Variants in TLK1 observed in about 807,000 individuals in gnomAD.
TLK1 encodes tousled like kinase 1.
In TLK1, 24 loss-of-function variants were observed where a neutral mutation model predicts 105.3. That is an observed-to-expected ratio of 0.23 (90% CI 0.17 to 0.32). The LOEUF (loss-of-function observed/expected upper bound fraction) is 0.32. Among genes scored for constraint, TLK1 ranks in the 10% least tolerant of loss-of-function variants. The pLI, the probability that TLK1 is intolerant of heterozygous loss-of-function variation, is 1.00. For missense variants in TLK1, 558 were observed against 910.5 expected, an observed-to-expected ratio of 0.61 and a Z score of 4.98; for synonymous variants, 321 against 310.4, an observed-to-expected ratio of 1.03 and a Z score of -0.36.
At chr2:171,110,869 T>C (rs952761445) in intron 2 of TLK1, among the ~76,000 whole-genome samples, 11 of 152,202 alleles carry the variant, frequency 7.2e-5, no homozygotes, top group African/African-American at 2.7e-4. Flanking sequence ...AACTGATAAT[T>C]ATACCTTAAT....
intron 18 of TLK1, among the ~76,000 whole-genome samples, chr2:171,001,698 C>T (rs1684383172): frequency 1.3e-5 from 2 of 152,150 alleles, no homozygotes; most frequent in Non-Finnish European, 2.9e-5. Flanking sequence ...TTTTATTTTC[C>T]AGAAGAGGGC....
At chr2:171,152,487 CTA>C (rs1348666175) in intron 1 of TLK1, among the ~76,000 whole-genome samples, 1 of 152,084 alleles carries the variant, frequency 6.6e-6, no homozygotes, top group Non-Finnish European at 1.5e-5. Flanking sequence ...ATTAGGTTTG[CTA>C]TATAATACAT....
At chr2:171,181,845 C>T (rs967307069) in intron 1 of TLK1, among the ~76,000 whole-genome samples, 3 of 150,794 alleles carry the variant, frequency 2.0e-5, no homozygotes, top group African/African-American at 7.3e-5. Context: ...ATTCAAACTA[C>T]GGCAGTCCTT....
intron 3 of TLK1, among the ~76,000 whole-genome samples, chr2:171,072,093 CTA>C (rs1055111729): frequency 6.6e-6 from 1 of 152,070 alleles, no homozygotes; most frequent in African/African-American, 2.4e-5. Flanking sequence ...TTTTGTGGTT[CTA>C]TACAAATTTT....
At chr2:171,119,475 T>A (rs1018793047) in intron 1 of TLK1, among the ~76,000 whole-genome samples, 1 of 152,240 alleles carries the variant, frequency 6.6e-6, no homozygotes, top group Non-Finnish European at 1.5e-5. Context: ...ATATGCCAGG[T>A]CTGCCAAGTC....
chr2:170,993,194 G>C lies in TLK1; in HGVS notation c.*586C>G, dbSNP rs927297138. 12 of 152,552 alleles carry C rather than the reference G, an allele frequency of 7.9e-5. No individual in the cohort carries two copies. The highest frequency in any genetic ancestry group is 3.9e-4 in the Admixed American group (6 of 15,272). 9.4% of individuals were successfully genotyped at this position (152,552 alleles called of 1,614,324 possible). A position where few individuals can be genotyped will look rare whatever the true frequency, so the allele number is the denominator to read the frequency against. On this transcript the variant is annotated 3_prime_UTR_variant, in exon 21 of 21. Transcript: ENST00000431350. Reference sequence around the variant, plus strand: ...TCGAGGTACAACTTGGTAAAAGTCTGAATAGGCAAATGACAAAGCCTAACT... The same window carrying C: ...TCGAGGTACAACTTGGTAAAAGTCTCAATAGGCAAATGACAAAGCCTAACT...
At chr2:171,173,097 C>T (rs548829800) in intron 1 of TLK1, among the ~76,000 whole-genome samples, 1 of 152,216 alleles carries the variant, frequency 6.6e-6, no homozygotes, top group African/African-American at 2.4e-5. Flanking sequence ...TATAGCATAT[C>T]CTGTTAGTAT....
intron 1 of TLK1, among the ~76,000 whole-genome samples, chr2:171,120,737 T>C (rs965555067): frequency 1.2e-4 from 19 of 152,120 alleles, no homozygotes; most frequent in Non-Finnish European, 4.4e-5. Context: ...AGTATAGCGG[T>C]TCCTCAAAAA....
At chr2:170,998,674 A>ACT (rs1684201829) in intron 18 of TLK1, among the ~76,000 whole-genome samples, 1 of 152,182 alleles carries the variant, frequency 6.6e-6, no homozygotes, top group African/African-American at 2.4e-5. Context: ...AGCTCAAGGA[A>ACT]CTCTTATTCA....
intron 2 of TLK1, among the ~76,000 whole-genome samples, chr2:171,102,655 T>C (rs1689740438): frequency 6.6e-6 from 1 of 152,228 alleles, no homozygotes; most frequent in African/African-American, 2.4e-5. Context: ...GTTTGATATA[T>C]AAAAATTTTA....
At chr2:171,220,472 C>T (rs970874986) in intron 1 of TLK1, among the ~76,000 whole-genome samples, 2 of 152,200 alleles carry the variant, frequency 1.3e-5, no homozygotes, top group South Asian at 2.1e-4. Flanking sequence ...GCCTTGCTGC[C>T]TTTGGTAGCT....
At chr2:171,189,884 A>G (rs1233219783) in intron 1 of TLK1, among the ~76,000 whole-genome samples, 3 of 152,156 alleles carry the variant, frequency 2.0e-5, no homozygotes, top group Non-Finnish European at 1.5e-5. Flanking sequence ...GCAGTGAGCC[A>G]AGATCATGCC....
chr2:171,094,132 T>TTATAAGTA (rs1689354456), intron 2 of TLK1, among the ~76,000 whole-genome samples: 1 of 151,952 alleles, frequency 6.6e-6, no homozygotes, highest in Non-Finnish European at 1.5e-5. Flanking sequence ...TTTATAAGTA[T>TTATAAGTA]ATTATTTGAA....
chr2:171,083,322 A>T lies in TLK1; in HGVS notation c.259-470T>A, dbSNP rs76858719. Among the ~76,000 whole-genome samples, 674 of 152,044 alleles carry T rather than the reference A, an allele frequency of 4.4e-3. 9 individuals are homozygous for T. Among genetic ancestry groups the T allele is most frequent in the African/African-American group, 0.014 (597 of 41,508 alleles). On this transcript the variant is annotated intron_variant, in intron 2 of 20. Coordinates refer to ENST00000431350, the MANE Select transcript of TLK1 (RefSeq NM_012290.5). ...AAACTGTCCTGTTTTTCTTTTTTTT[A>T]AAATTTGTTTTAACTCTATCTCTTC...
Position 171,160,244 on chromosome 2 carries a change from G to A in TLK1, c.139+46C>T. On this transcript the variant is annotated intron_variant, in intron 1 of 20. Coordinates refer to ENST00000431350, the MANE Select transcript of TLK1 (RefSeq NM_012290.5). This position sits in a 1 kb window ranked among gnomAD's most constrained non-coding sequence, Gnocchi z 4.4. ...GGGGGGGGGCGCGGGGGTCCGCGGC[G>A]CGGGAGAGGAGGCCCGCGAGCGGGC... is the stretch of plus-strand genomic sequence containing the variant. The A allele has an allele frequency of 5.1e-6, 7 of 1,381,456 alleles. No homozygotes were observed. Among genetic ancestry groups the A allele is most frequent in the Non-Finnish European group, 6.5e-6 (7 of 1,069,392 alleles). The allele number at this position is 1,381,456 out of a possible 1,614,324, so 85.6% of individuals were successfully genotyped here. A position where few individuals can be genotyped will look rare whatever the true frequency, so the allele number is the denominator to read the frequency against.
At chr2:171,032,659 C>T (rs1686100249) in intron 11 of TLK1, among the ~76,000 whole-genome samples, 1 of 152,028 alleles carries the variant, frequency 6.6e-6, no homozygotes, top group African/African-American at 2.4e-5. Flanking sequence ...TATGGTACTG[C>T]CATAAGAATA....
At chr2:171,171,820 A>G (rs1294928388) in intron 1 of TLK1, among the ~76,000 whole-genome samples, 2 of 152,222 alleles carry the variant, frequency 1.3e-5, no homozygotes, top group African/African-American at 4.8e-5. Flanking sequence ...CAACACTGGG[A>G]ACTCCCACAC....
At chr2:171,065,355 T>C (rs1015881822) in intron 3 of TLK1, among the ~76,000 whole-genome samples, 29 of 152,326 alleles carry the variant, frequency 1.9e-4, no homozygotes, top group African/African-American at 5.5e-4. Flanking sequence ...CTATAGTTAA[T>C]AGACACAGAA....
At chr2:171,061,241 C>T in intron 3 of TLK1, 85 bp from the exon 4 acceptor site, 2 of 1,316,238 alleles carry the variant, frequency 1.5e-6, no homozygotes, top group Non-Finnish European at 2.1e-6. Flanking sequence ...TGTTTCGAGA[C>T]CAAAAAAATA....
Sources: gnomAD v4.1 joint callset for allele counts (sites outside exome capture counted in the v4.1 genomes callset) on GRCh38, gnomAD v4.1.1 for gene constraint, Gnocchi (gnomAD v3.1) non-coding constraint, MANE v1.5 for transcripts, NCBI Gene and HGNC (gene_info 2026-07-23, HGNC 2026-07-21) for gene names.